The following ITGB4 variants were observed in gnomAD, a reference collection of about 807,000 sequenced individuals.
The protein encoded by ITGB4 is integrin beta-4.
Under a neutral mutation model 207.6 loss-of-function variants are expected in ITGB4, and 159 were observed. That is an observed-to-expected ratio of 0.77 (90% CI 0.67 to 0.87). ITGB4 has a LOEUF of 0.87. Among genes scored for constraint, ITGB4 ranks in the 40% least tolerant of loss-of-function variants. The pLI is 0.00. For synonymous variants in ITGB4, 1,020 were observed against 1,062.7 expected (o/e 0.96, Z 0.78); for missense variants, 2,278 against 2,546.8 (o/e 0.89, Z 2.27).
In ITGB4 at chr17:75,742,673, G is replaced by T; in HGVS notation, c.2874G>T (p.Lys958Asn). ...LFIRPEDDDE[K>N]QLLVEAIDVP... Reference sequence around the variant, plus strand: ...TCCGGCCTGAGGATGACGACGAGAAGCAGCTGCTGGTGGAGGCCATCGACG... The same window carrying T: ...TCCGGCCTGAGGATGACGACGAGAATCAGCTGCTGGTGGAGGCCATCGACG... The change falls in exon 25 of 40, where the codon AAG becomes AAT. Residue 958 changes from lysine to asparagine, a missense_variant. Coordinates refer to ENST00000200181, the MANE Select transcript of ITGB4 (RefSeq NM_000213.5). The surrounding 1 kb of genome is among the most constrained non-coding windows in gnomAD (Gnocchi z 5.9). 6.2e-7 allele frequency: 1 copy of T among 1,614,014 alleles called. No homozygotes were observed. The highest frequency in any genetic ancestry group is 2.2e-5 in the East Asian group (1 of 44,880).
chr17:75,739,983 C>G lies in ITGB4; in HGVS notation c.2358C>G (p.Gly786=), dbSNP rs1359172735. Residue 786 remains glycine, a synonymous_variant, in exon 20 of 40, where the codon GGC becomes GGG. Transcript: ENST00000200181. The surrounding 1 kb of genome is among the most constrained non-coding windows in gnomAD (Gnocchi z 5.4). ...TGCTGCGCAGCGGGAACCTCAAGGG[C>G]CGTGACGTGGTCCGCTGGAAGGTCA... The part of the protein sequence containing the change: ...TPMLRSGNLK[G]RDVVRWKVTN... The G allele has an allele frequency of 1.2e-6, 2 of 1,613,156 alleles. No individual in the cohort carries two copies. Among genetic ancestry groups the G allele is most frequent in the Admixed American group, 1.7e-5 (1 of 60,010 alleles).
Position 75,740,526 on chromosome 17 carries a change from C to A in ITGB4, c.2550+65C>A. ...ATGAGGGCGGGTGAGGTGGGCAGGGCAGAGCGAATGCGGTCGTGGTACCGA... is the reference window on the plus strand; with the variant it reads ...ATGAGGGCGGGTGAGGTGGGCAGGGAAGAGCGAATGCGGTCGTGGTACCGA... On this transcript the variant is annotated intron_variant, in intron 21 of 39. Transcript: ENST00000200181. This position sits in a 1 kb window ranked among gnomAD's most constrained non-coding sequence, Gnocchi z 5.9. 1.5e-6 allele frequency: 2 copies of A among 1,329,716 alleles called. No individual in the cohort carries two copies. Among genetic ancestry groups the A allele is most frequent in the Non-Finnish European group, 1.1e-6 (1 of 926,728 alleles). 82.4% of individuals were successfully genotyped at this position (1,329,716 alleles called of 1,614,324 possible). A position where few individuals can be genotyped will look rare whatever the true frequency, so the allele number is the denominator to read the frequency against.
At position 75,757,097 on chromosome 17, in the gene ITGB4, C is replaced by G. The variant is rs750459836; in HGVS notation, c.5208C>G (p.Ser1736=). The G allele has an allele frequency of 1.2e-6, 2 of 1,612,968 alleles. No homozygotes were observed. Among genetic ancestry groups the G allele is most frequent in the Non-Finnish European group, 1.7e-6 (2 of 1,179,950 alleles). The change falls in exon 38 of 40, where the codon TCC becomes TCG. Residue 1736 remains serine, a synonymous_variant. Coordinates refer to ENST00000200181, the MANE Select transcript of ITGB4 (RefSeq NM_000213.5). ...PEREGIITIE[S]QDGGPFPQLG... is the part of the protein sequence containing the mutation. ...GCGAGGGCATCATCACCATAGAGTC[C>G]CAGGATGGAGGTAGGCACCTGTCCT... is the stretch of plus-strand genomic sequence containing the variant.
chr17:75,747,560 G>A (rs571467485), intron 26 of ITGB4, among the ~76,000 whole-genome samples: 5 of 152,116 alleles, frequency 3.3e-5, no homozygotes, highest in Non-Finnish European at 4.4e-5. Flanking sequence ...CCTTTATAGC[G>A]TTTTTCCCCC....
Position 75,727,345 on chromosome 17 carries a change from G to C in ITGB4, c.163-59G>C. 3 of 1,612,690 alleles carry C rather than the reference G, an allele frequency of 1.9e-6. No individual in the cohort carries two copies. The highest frequency in any genetic ancestry group is 1.7e-4 in the Middle Eastern group (1 of 6,058). Reference sequence around the variant, plus strand: ...GGAATAGCTGGTGGAAATGAATCTAGGGTTGGGGCAGCCAGGGAATGGGTG... The same window carrying C: ...GGAATAGCTGGTGGAAATGAATCTACGGTTGGGGCAGCCAGGGAATGGGTG... On this transcript the variant is annotated intron_variant, in intron 3 of 39. Transcript: ENST00000200181. This position sits in a 1 kb window ranked among gnomAD's most constrained non-coding sequence, Gnocchi z 6.0.
At position 75,740,010 on chromosome 17, in the gene ITGB4, C is replaced by T. The variant is rs139153979; in HGVS notation, c.2385C>T (p.Thr795=). ...KGRDVVRWKV[T]NNMQRPGFAT... ...GTGACGTGGTCCGCTGGAAGGTCAC[C>T]AACAACATGCAGCGGCCTGGCTTTG... Residue 795 remains threonine, a synonymous_variant, in exon 20 of 40, where the codon ACC becomes ACT. Coordinates refer to ENST00000200181, the MANE Select transcript of ITGB4 (RefSeq NM_000213.5). This position sits in a 1 kb window ranked among gnomAD's most constrained non-coding sequence, Gnocchi z 5.9. The T allele has an allele frequency of 6.2e-5, 100 of 1,613,048 alleles. No individual in the cohort carries two copies. Among genetic ancestry groups the T allele is most frequent in the Non-Finnish European group, 8.1e-5 (95 of 1,180,032 alleles).
chr17:75,749,990 G>A, intron 27 of ITGB4, 121 bp from the exon 28 acceptor site: 1 of 1,226,742 alleles, frequency 8.2e-7, no homozygotes, highest in Non-Finnish European at 1.2e-6. Context: ...AGAGACGCGG[G>A]TGGGCAGGTC....
In ITGB4 at chr17:75,727,782, G is replaced by C. The variant is rs753473264; in HGVS notation, c.396G>C (p.Leu132=). Residue 132 remains leucine (L), a synonymous_variant, in exon 5 of 40, where the codon CTG becomes CTC. Coordinates refer to ENST00000200181, the MANE Select transcript of ITGB4 (RefSeq NM_000213.5). This position sits in a 1 kb window ranked among gnomAD's most constrained non-coding sequence, Gnocchi z 6.0. ...AGCCACTGGAGAGCCCCGTGGACCT[G>C]TACATCCTCATGGACTTCTCCAACT... is the stretch of plus-strand genomic sequence containing the variant. ...VFEPLESPVD[L]YILMDFSNSM... 6.2e-7 allele frequency: 1 copy of C among 1,614,114 alleles called. No individual in the cohort carries two copies. The highest frequency in any genetic ancestry group is 2.2e-5 in the East Asian group (1 of 44,876).
chr17:75,748,771 G>A, intron 26 of ITGB4, 70 bp from the exon 27 acceptor site: 1 of 1,163,822 alleles, frequency 8.6e-7, no homozygotes, highest in East Asian at 2.5e-5. Context: ...AGGTTGGGAG[G>A]GAGCGTGTGG....
rs769308001 is a variant in ITGB4, at chr17:75,755,858, A to G, written c.4708+8A>G. On this transcript the variant is annotated splice_region_variant and intron_variant, in intron 35 of 39. Transcript: ENST00000200181. Reference sequence around the variant, plus strand: ...ACCAGCTGCTGAACGGCGGTGAGGCATGGTGGCTGCCAGGCTGCGGGGTGC... The same window carrying G: ...ACCAGCTGCTGAACGGCGGTGAGGCGTGGTGGCTGCCAGGCTGCGGGGTGC... 3.1e-6 allele frequency: 5 copies of G among 1,601,180 alleles called. No homozygotes were observed. In the East Asian group the frequency reaches 6.7e-5, roughly 21 times the overall value.
chr17:75,733,726 G>T, intron 13 of ITGB4, 34 bp downstream of exon 13: 2 of 1,602,442 alleles, frequency 1.2e-6, no homozygotes, highest in South Asian at 1.1e-5. Flanking sequence ...TGCTGATGGC[G>T]GGGTAGGGAG....
rs1547407 is a variant in ITGB4, at chr17:75,740,316, C to T, written c.2447-42C>T. ...TCTGTGGTGCCTGTCATGCAGGGGG[C>T]TGACCACCTCCATCTCACCCCCTCC... On this transcript the variant is annotated intron_variant, in intron 20 of 39. Transcript: ENST00000200181. The surrounding 1 kb of genome is among the most constrained non-coding windows in gnomAD (Gnocchi z 5.9). The T allele has an allele frequency of 1.6e-5, 24 of 1,519,890 alleles. No homozygotes were observed. Among genetic ancestry groups the T allele is most frequent in the Non-Finnish European group, 2.2e-5 (24 of 1,102,718 alleles). 94.2% of individuals were successfully genotyped at this position (1,519,890 alleles called of 1,614,324 possible). A position where few individuals can be genotyped will look rare whatever the true frequency, so the allele number is the denominator to read the frequency against.
At chr17:75,744,287 A>G (rs1159414972) in intron 26 of ITGB4, among the ~76,000 whole-genome samples, 1 of 151,844 alleles carries the variant, frequency 6.6e-6, no homozygotes, top group Non-Finnish European at 1.5e-5. Context: ...CGCATGTCTA[A>G]TTTTGTGTTT....
chr17:75,756,853 G>A lies in ITGB4; in HGVS notation c.5047G>A (p.Gly1683Arg). ...CCTGGTGACCTGTGAGATGGCCCAA[G>A]GAGGAGGTGCTGCCCACCCCGGGGG... is the stretch of plus-strand genomic sequence containing the variant. ...GYLVTCEMAQGGGPATAFRVD... is the reference protein window; with the variant it reads ...GYLVTCEMAQRGGPATAFRVD... Residue 1683 changes from glycine to arginine, a missense_variant, in exon 37 of 40, where the codon GGA (glycine) becomes AGA (arginine). Gly to Arg is a moderately radical substitution (Grantham distance 125). Transcript: ENST00000200181. 1 of 1,612,330 alleles carries A rather than the reference G, an allele frequency of 6.2e-7. No homozygotes were observed. The highest frequency in any genetic ancestry group is 1.3e-5 in the African/African-American group (1 of 75,042).
Position 75,735,340 on chromosome 17 carries a change from G to A in ITGB4, c.1658-711G>A, listed in dbSNP as rs190606381. Among the ~76,000 whole-genome samples the A allele has an allele frequency of 2.4e-3, 366 of 151,486 alleles. 1 individual carries two copies. Among genetic ancestry groups the A allele is most frequent in the Non-Finnish European group, 4.2e-3 (286 of 67,904 alleles). Reference sequence around the variant, plus strand: ...TGAGCTCAAGTGATCCTCCCGCCTCGGCCTCCCAAAGTGTGGGATTACAGG... The same window carrying A: ...TGAGCTCAAGTGATCCTCCCGCCTCAGCCTCCCAAAGTGTGGGATTACAGG... On this transcript the variant is annotated intron_variant, in intron 13 of 39. Transcript: ENST00000200181.
At chr17:75,741,061 G>A in intron 23 of ITGB4, 56 bp downstream of exon 23, 1 of 1,588,848 alleles carries the variant, frequency 6.3e-7, no homozygotes, top group Non-Finnish European at 8.6e-7. Context: ...CCTGTCCCCA[G>A]CCCAGCCACT....
chr17:75,752,679 A>G (rs2061396734), intron 32 of ITGB4, 102 bp downstream of exon 32: 1 of 1,471,546 alleles, frequency 6.8e-7, no homozygotes, highest in Non-Finnish European at 9.4e-7. Flanking sequence ...ACTAGAGGAC[A>G]TGGAGGTTAA....
intron 18 of ITGB4, among the ~76,000 whole-genome samples, chr17:75,737,991 C>G (rs1424701616): frequency 6.6e-6 from 1 of 152,138 alleles, no homozygotes; most frequent in Non-Finnish European, 1.5e-5. Flanking sequence ...CTGCAGCTTT[C>G]TAGCCAGAGG....
At position 75,739,790 on chromosome 17, in the gene ITGB4, G is replaced by T; in HGVS notation, c.2254+85G>T. The T allele has an allele frequency of 1.2e-6, 2 of 1,609,772 alleles. No individual in the cohort carries two copies. The highest frequency in any genetic ancestry group is 1.7e-5 in the Admixed American group (1 of 60,010). ...GTGGAGGGAAGCTGAACCTGGAACG[G>T]CAGAGGCTGGAGGCTCTGGGGTCCC... is the stretch of plus-strand genomic sequence containing the variant. On this transcript the variant is annotated intron_variant, in intron 19 of 39. Transcript: ENST00000200181. This position sits in a 1 kb window ranked among gnomAD's most constrained non-coding sequence, Gnocchi z 5.4.
Sources: allele counts gnomAD v4.1 joint callset (sites outside exome capture counted in the v4.1 genomes callset), GRCh38; gene constraint gnomAD v4.1.1; non-coding constraint Gnocchi (gnomAD v3.1); transcripts MANE v1.5; gene names NCBI Gene and HGNC (gene_info 2026-07-23, HGNC 2026-07-21).